Variants in FAT3 observed in about 807,000 individuals in gnomAD.
FAT3 encodes protocadherin Fat 3.
A neutral mutation model predicts 310.2 loss-of-function variants in FAT3; 95 were observed. The observed-to-expected ratio is 0.31, with a 90% CI of 0.26 to 0.36. The LOEUF is 0.36. FAT3 is among the 10% of genes least tolerant of loss of function. The pLI, the probability that FAT3 is intolerant of heterozygous loss-of-function variation, is 1.00. For missense variants in FAT3, 5,408 were observed against 5,715.6 expected (o/e 0.95, Z 1.74); for synonymous variants, 2,314 against 2,192.9 (o/e 1.06, Z -1.54).
At chr11:92,854,377 A>G (rs1257139366) in intron 19 of FAT3, among the ~76,000 whole-genome samples, 5 of 152,126 alleles carry the variant, frequency 3.3e-5, no homozygotes, top group Non-Finnish European at 7.4e-5. Context: ...GGCTGTGCCC[A>G]GGAGTGCAGG....
At chr11:92,640,887 G>A (rs1941934033) in intron 3 of FAT3, among the ~76,000 whole-genome samples, 1 of 152,144 alleles carries the variant, frequency 6.6e-6, no homozygotes, top group South Asian at 2.1e-4. Flanking sequence ...GGATGATGAA[G>A]GAATTTAGAT....
At chr11:92,334,297 G>A (rs1387955039) in intron 1 of FAT3, among the ~76,000 whole-genome samples, 1 of 152,124 alleles carries the variant, frequency 6.6e-6, no homozygotes. Context: ...GACCCCTTGA[G>A]CCTGGGAGTC....
intron 1 of FAT3, among the ~76,000 whole-genome samples, chr11:92,251,725 TACTGTGC>T (rs1865150383): frequency 1.3e-5 from 1 of 79,720 alleles, no homozygotes; most frequent in African/African-American, 7.2e-5. Context: ...TTTGAGTGCC[TACTGTGC>T]CTACTTCTAG....
At chr11:92,406,301 T>C (rs1166615445) in intron 2 of FAT3, among the ~76,000 whole-genome samples, 3 of 152,142 alleles carry the variant, frequency 2.0e-5, no homozygotes, top group African/African-American at 7.2e-5. Flanking sequence ...AACATTCCTA[T>C]GGAGATTGTC....
At chr11:92,666,012 T>A (rs1301573778) in intron 3 of FAT3, among the ~76,000 whole-genome samples, 3 of 152,204 alleles carry the variant, frequency 2.0e-5, no homozygotes, top group East Asian at 3.9e-4. Flanking sequence ...CTCTAAAAAA[T>A]TTTTTTAAAT....
At chr11:92,479,328 G>T (rs1304136523) in intron 2 of FAT3, among the ~76,000 whole-genome samples, 1 of 151,850 alleles carries the variant, frequency 6.6e-6, no homozygotes, top group African/African-American at 2.4e-5. Context: ...TTTTTTAATT[G>T]ACTGAAATAC....
At chr11:92,740,600 G>A (rs1319535375) in intron 4 of FAT3, among the ~76,000 whole-genome samples, 2 of 152,116 alleles carry the variant, frequency 1.3e-5, no homozygotes, top group Non-Finnish European at 2.9e-5. Flanking sequence ...AATTCTTTTA[G>A]GAGAGTATTA....
rs375250111 is a variant in FAT3 at position 92,845,315 on chromosome 11, G to C, written c.11365+583G>C. On this transcript the variant is annotated intron_variant, in intron 19 of 27. Transcript: ENST00000525166. ...GAGAAGCGAAGAAATGGCAGGATCA[G>C]ATCTGTCTTTCACAGAGGGTGTGCT... 1.6e-4 allele frequency among the ~76,000 whole-genome samples: 25 copies of C among 152,384 alleles called. No homozygotes were observed. The East Asian group carries it at 4.8e-3, about 29-fold the overall frequency.
chr11:92,336,151 C>T (rs11019910), intron 1 of FAT3: 44,910 of 548,368 alleles, frequency 0.082, 4,776 homozygotes, highest in African/African-American at 0.37. Context: ...TGGGCCCACT[C>T]TCGCATCCTG....
chr11:92,790,038 G>A lies in FAT3; in HGVS notation c.4431G>A (p.Thr1477=), dbSNP rs369480822. The stretch of plus-strand genomic sequence containing the variant: ...TTTCCGAGGATGTGCTTCCAGACAC[G>A]GAGATCCTGCAGATTGAAGCCACAG... The part of the protein sequence containing the change: ...VTISEDVLPD[T]EILQIEATDR... Residue 1477 remains threonine, a synonymous_variant, in exon 8 of 28, where the codon ACG becomes ACA. Transcript: ENST00000525166. The A allele has an allele frequency of 8.7e-6, 14 of 1,613,682 alleles. No individual in the cohort carries two copies. The highest frequency in any genetic ancestry group is 7.7e-5 in the South Asian group (7 of 91,082).
intron 17 of FAT3, among the ~76,000 whole-genome samples, chr11:92,838,902 G>C (rs1239659493): frequency 1.3e-5 from 2 of 152,076 alleles, no homozygotes; most frequent in Non-Finnish European, 2.9e-5. Context: ...TTCCTTCCCT[G>C]GTGGTGTTTT....
intron 3 of FAT3, among the ~76,000 whole-genome samples, chr11:92,575,923 C>G (rs1460777490): frequency 1.3e-5 from 2 of 152,054 alleles, no homozygotes; most frequent in Non-Finnish European, 2.9e-5. Flanking sequence ...GAGATGTTGC[C>G]TTTTAAGTTG....
At chr11:92,375,480 G>C (rs1277748345) in intron 2 of FAT3, among the ~76,000 whole-genome samples, 1 of 152,070 alleles carries the variant, frequency 6.6e-6, no homozygotes, top group Non-Finnish European at 1.5e-5. Context: ...GGATTCTTTG[G>C]AGGCTTGAGC....
intron 3 of FAT3, among the ~76,000 whole-genome samples, chr11:92,548,040 G>A (rs16917702): frequency 0.015 from 2,302 of 152,286 alleles, 65 homozygotes; most frequent in African/African-American, 0.053. Context: ...TTGATTTATA[G>A]AATATTTGTT....
chr11:92,776,125 A>G (rs988302910), intron 7 of FAT3, among the ~76,000 whole-genome samples: 4 of 152,212 alleles, frequency 2.6e-5, no homozygotes, highest in Non-Finnish European at 5.9e-5. Flanking sequence ...ATTTGAGTAA[A>G]ATACAAATAA....
At chr11:92,295,697 G>A (rs1946831190) in intron 1 of FAT3, among the ~76,000 whole-genome samples, 1 of 152,072 alleles carries the variant, frequency 6.6e-6, no homozygotes, top group Non-Finnish European at 1.5e-5. Context: ...TCGTCGGCAG[G>A]CATTTATTAA....
At chr11:92,393,613 G>T (rs1949796252) in intron 2 of FAT3, among the ~76,000 whole-genome samples, 1 of 152,072 alleles carries the variant, frequency 6.6e-6, no homozygotes, top group Admixed American at 6.6e-5. Context: ...GGGATGTTTT[G>T]CAATTTTGAT....
At position 92,743,102 on chromosome 11, in the gene FAT3, G is replaced by A. The variant is rs80271727; in HGVS notation, c.3670-18754G>A. On this transcript the variant is annotated intron_variant, in intron 4 of 27. Coordinates refer to ENST00000525166, the MANE Select transcript of FAT3 (RefSeq NM_001367949.2). ...AGAATTCTGCCATCAAATATGTTTC[G>A]GAAACACTGGTTTAAATGGTTAAGC... Among the ~76,000 whole-genome samples, 1,127 of 152,174 alleles carry A rather than the reference G, an allele frequency of 7.4e-3. 12 individuals are homozygous for A. Among genetic ancestry groups the A allele is most frequent in the African/African-American group, 0.026 (1,065 of 41,528 alleles).
At chr11:92,552,053 A>G (rs1321578851) in intron 3 of FAT3, among the ~76,000 whole-genome samples, 1 of 152,254 alleles carries the variant, frequency 6.6e-6, no homozygotes, top group Non-Finnish European at 1.5e-5. Flanking sequence ...GCAATTGTGC[A>G]TGTAATTAGA....
Sources: allele counts gnomAD v4.1 joint callset (sites outside exome capture counted in the v4.1 genomes callset), GRCh38; gene constraint gnomAD v4.1.1; transcripts MANE v1.5; gene names NCBI Gene and HGNC (gene_info 2026-07-23, HGNC 2026-07-21).